The following AATF variants were observed in gnomAD, a reference collection of about 807,000 sequenced individuals.
AATF encodes protein AATF.
Under a neutral mutation model 63.7 loss-of-function variants are expected in AATF, and 48 were observed. That is an observed-to-expected ratio of 0.75 (90% CI 0.60 to 0.96). The LOEUF (loss-of-function observed/expected upper bound fraction) is 0.96. Ranked by LOEUF, AATF falls within the 40% of genes least tolerant of loss-of-function variation. The pLI is 0.00. For missense variants in AATF, 639 were observed against 685.7 expected (o/e 0.93, Z 0.76); for synonymous variants, 258 against 247.7 (o/e 1.04, Z -0.39).
intron 4 of AATF, among the ~76,000 whole-genome samples, chr17:36,957,724 C>CA (rs1381343306): frequency 6.6e-6 from 1 of 152,176 alleles, no homozygotes; most frequent in East Asian, 1.9e-4. Flanking sequence ...TGTATCCTCT[C>CA]AATGTAAATT....
chr17:36,996,388 C>T (rs528423263), intron 8 of AATF, among the ~76,000 whole-genome samples: 2 of 152,086 alleles, frequency 1.3e-5, no homozygotes, highest in East Asian at 1.9e-4. Context: ...GAGCCAAGAT[C>T]GCATCACTAC....
rs17139119 is a variant in AATF at position 36,993,429 on chromosome 17, C to T, written c.1398+2572C>T. Among the ~76,000 whole-genome samples, 692 of 152,296 alleles carry T rather than the reference C, an allele frequency of 4.5e-3. 1 individual carries two copies. Among genetic ancestry groups the T allele is most frequent in the African/African-American group, 0.016 (652 of 41,548 alleles). On this transcript the variant is annotated intron_variant, in intron 8 of 11. Transcript: ENST00000619387. ...ACAAGGTAGCACCTGTTCTGCTGAC[C>T]TGGTTAATTTCTTCTGTTGAGTGGG...
intron 11 of AATF, among the ~76,000 whole-genome samples, chr17:37,049,205 A>G (rs1447309140): frequency 6.6e-6 from 1 of 152,144 alleles, no homozygotes; most frequent in Non-Finnish European, 1.5e-5. Flanking sequence ...GCCCCTCTGC[A>G]TTTGTGATAC....
At chr17:37,027,806 G>T (rs28603278) in intron 10 of AATF, among the ~76,000 whole-genome samples, 4,079 of 152,062 alleles carry the variant, frequency 0.027, 155 homozygotes, top group African/African-American at 0.08. Context: ...CAGTAACCAC[G>T]TGTGGCTAGT....
At chr17:36,950,656 C>T (rs953752292) in intron 2 of AATF, among the ~76,000 whole-genome samples, 4 of 152,152 alleles carry the variant, frequency 2.6e-5, no homozygotes, top group Admixed American at 2.6e-4. Flanking sequence ...TGCACCACCA[C>T]GCCCGGCTAA....
At chr17:37,003,491 T>C (rs1459741095) in intron 8 of AATF, among the ~76,000 whole-genome samples, 1 of 148,002 alleles carries the variant, frequency 6.8e-6, no homozygotes, top group East Asian at 2.0e-4. Context: ...TTTTTTTTTT[T>C]TTTTTGAGAC....
At chr17:36,971,385 A>G (rs2071037922) in intron 4 of AATF, among the ~76,000 whole-genome samples, 1 of 152,326 alleles carries the variant, frequency 6.6e-6, no homozygotes, top group Non-Finnish European at 1.5e-5. Flanking sequence ...CTACATACCT[A>G]TTAGGCCAAA....
chr17:37,003,517 C>T (rs2071318210), intron 8 of AATF, among the ~76,000 whole-genome samples: 1 of 144,112 alleles, frequency 6.9e-6, no homozygotes, highest in African/African-American at 2.6e-5. Flanking sequence ...CTCATGTCAC[C>T]AGGGCTGGAG....
In AATF at chr17:37,056,742, A is replaced by G. The variant is rs2071802474; in HGVS notation, c.*78A>G. On this transcript the variant is annotated 3_prime_UTR_variant, in exon 12 of 12. Coordinates refer to ENST00000619387, the MANE Select transcript of AATF (RefSeq NM_012138.4). ...CCAGATGGAGGAAACCAGTGACTTT[A>G]TGGGGCTGAGCTAGTAGGGAAGCCC... is the stretch of plus-strand genomic sequence containing the variant. 5 of 1,486,282 alleles carry G rather than the reference A, an allele frequency of 3.4e-6. No individual in the cohort carries two copies. In the South Asian group the frequency reaches 5.7e-5, roughly 17 times the overall value. 92.1% of individuals were successfully genotyped at this position (1,486,282 alleles called of 1,614,324 possible). A position where few individuals can be genotyped will look rare whatever the true frequency, so the allele number is the denominator to read the frequency against.
chr17:37,037,872 G>C (rs534018613), intron 11 of AATF, among the ~76,000 whole-genome samples: 3 of 152,260 alleles, frequency 2.0e-5, no homozygotes, highest in South Asian at 4.1e-4. Context: ...GAGTTCTTGA[G>C]AGATCTGGTT....
At chr17:36,993,902 C>G (rs1357113286) in intron 8 of AATF, among the ~76,000 whole-genome samples, 2 of 152,184 alleles carry the variant, frequency 1.3e-5, no homozygotes, top group Non-Finnish European at 2.9e-5. Flanking sequence ...CCCCTCTACA[C>G]ACACATACTC....
At chr17:37,048,717 C>T (rs1261186878) in intron 11 of AATF, among the ~76,000 whole-genome samples, 1 of 152,154 alleles carries the variant, frequency 6.6e-6, no homozygotes, top group African/African-American at 2.4e-5. Context: ...TGAGCCCATT[C>T]CCGTGACATA....
intron 9 of AATF, among the ~76,000 whole-genome samples, chr17:37,020,470 T>C (rs1401335290): frequency 6.6e-6 from 1 of 152,202 alleles, no homozygotes; most frequent in African/African-American, 2.4e-5. Context: ...TGGATAATTA[T>C]TTAAAAATTA....
At chr17:36,959,157 A>G (rs1232859063) in intron 4 of AATF, among the ~76,000 whole-genome samples, 3 of 138,130 alleles carry the variant, frequency 2.2e-5, no homozygotes, top group African/African-American at 8.3e-5. Flanking sequence ...AAAAACAAAC[A>G]TACAGACTGG....
intron 9 of AATF, among the ~76,000 whole-genome samples, chr17:37,020,472 T>TA (rs1412546082): frequency 6.6e-6 from 1 of 152,188 alleles, no homozygotes; most frequent in Non-Finnish European, 1.5e-5. Flanking sequence ...GATAATTATT[T>TA]AAAAATTAGC....
At chr17:37,038,712 G>A (rs1597737139) in intron 11 of AATF, among the ~76,000 whole-genome samples, 1 of 151,986 alleles carries the variant, frequency 6.6e-6, no homozygotes, top group Non-Finnish European at 1.5e-5. Flanking sequence ...AAAATGTACA[G>A]CAAGAGTTTC....
At chr17:36,983,525 A>G (rs2071143482) in intron 4 of AATF, among the ~76,000 whole-genome samples, 1 of 150,838 alleles carries the variant, frequency 6.6e-6, no homozygotes, top group Admixed American at 6.6e-5. Context: ...TTTTTTTTGT[A>G]TTTTTAGTAG....
At position 37,049,566 on chromosome 17, in the gene AATF, C is replaced by T. The variant is rs2142325824; in HGVS notation, c.1620-7035C>T. Reference sequence around the variant, plus strand: ...CTTGCAGCAAGCCGAGATGGCGCCACTGCACTCCAGCCTGGGTGACAGAGC... The same window carrying T: ...CTTGCAGCAAGCCGAGATGGCGCCATTGCACTCCAGCCTGGGTGACAGAGC... On this transcript the variant is annotated intron_variant, in intron 11 of 11. Coordinates refer to ENST00000619387, the MANE Select transcript of AATF (RefSeq NM_012138.4). Among the ~76,000 whole-genome samples, 2 of 149,502 alleles carry T rather than the reference C, an allele frequency of 1.3e-5. 1 individual carries two copies. Among genetic ancestry groups the T allele is most frequent in the South Asian group, 4.2e-4 (2 of 4,754 alleles).
rs142718988 is a variant in AATF, at chr17:37,050,943, T to G, written c.1620-5658T>G. Among the ~76,000 whole-genome samples, 234 of 152,300 alleles carry G rather than the reference T, an allele frequency of 1.5e-3. 1 individual carries two copies. Among genetic ancestry groups the G allele is most frequent in the African/African-American group, 5.4e-3 (225 of 41,558 alleles). On this transcript the variant is annotated intron_variant, in intron 11 of 11. Coordinates refer to ENST00000619387, the MANE Select transcript of AATF (RefSeq NM_012138.4). The stretch of plus-strand genomic sequence containing the variant: ...AAATTATGTGTATCATTTTATGTAT[T>G]TATTTATTTTTAATAGAGACAGGGT...
Sources: allele counts gnomAD v4.1 joint callset (sites outside exome capture counted in the v4.1 genomes callset), GRCh38; gene constraint gnomAD v4.1.1; transcripts MANE v1.5; gene names NCBI Gene and HGNC (gene_info 2026-07-23, HGNC 2026-07-21).